PCDHA5: variants seen among roughly 807,000 people sequenced by gnomAD.
PCDHA5 encodes the protein protocadherin alpha-5.
Under a neutral mutation model 61.6 loss-of-function variants are expected in PCDHA5, and 43 were observed. The ratio of observed to expected loss-of-function variants is 0.70; its 90% CI spans 0.55 to 0.90. PCDHA5 has a LOEUF of 0.90. Ranked by LOEUF, PCDHA5 falls within the 40% of genes least tolerant of loss-of-function variation. PCDHA5 has a pLI of 0.00. For synonymous variants in PCDHA5, 627 were observed against 543.9 expected (o/e 1.15, Z -2.13); for missense variants, 1,298 against 1,222.7 (o/e 1.06, Z -0.92).
At chr5:140,940,285 T>C (rs2092587239) in intron 1 of PCDHA5, among the ~76,000 whole-genome samples, 3 of 152,222 alleles carry the variant, frequency 2.0e-5, no homozygotes, top group Admixed American at 6.5e-5. Context: ...CTCATTGTGC[T>C]GCTTCATCAG....
At chr5:140,854,518 G>A (rs1446011923) in intron 1 of PCDHA5, 1 of 149,946 alleles carries the variant, frequency 6.7e-6, no homozygotes, top group Non-Finnish European at 1.5e-5. Flanking sequence ...GATGGATTAA[G>A]TGACACCCAT....
intron 3 of PCDHA5, among the ~76,000 whole-genome samples, chr5:141,005,129 C>T (rs1554259896): frequency 6.6e-6 from 1 of 152,180 alleles, no homozygotes; most frequent in African/African-American, 2.4e-5. Context: ...CCAAAAGTGC[C>T]TCATTGGAGA....
At chr5:140,846,453 C>G (rs1465090766) in intron 1 of PCDHA5, among the ~76,000 whole-genome samples, 2 of 138,248 alleles carry the variant, frequency 1.4e-5, no homozygotes, top group Non-Finnish European at 3.1e-5. Flanking sequence ...CGGCTCACTG[C>G]AACCTCTGCC....
At chr5:140,827,000 T>C (rs2150146007) in intron 1 of PCDHA5, among the ~76,000 whole-genome samples, 9 of 152,112 alleles carry the variant, frequency 5.9e-5, no homozygotes, top group African/African-American at 2.2e-4. Flanking sequence ...ACATGGGAAA[T>C]GCTCATGTCA....
intron 3 of PCDHA5, among the ~76,000 whole-genome samples, chr5:141,002,161 G>T (rs1554258540): frequency 6.6e-6 from 1 of 152,208 alleles, no homozygotes; most frequent in Non-Finnish European, 1.5e-5. Flanking sequence ...CAGAGTGGGC[G>T]GTAGGCAGGC....
At chr5:140,936,987 T>C (rs996790487) in intron 1 of PCDHA5, among the ~76,000 whole-genome samples, 1 of 152,170 alleles carries the variant, frequency 6.6e-6, no homozygotes, top group Non-Finnish European at 1.5e-5. Context: ...CTTGTTAACA[T>C]TGACAATATT....
chr5:140,970,018 C>G (rs1383957568), intron 1 of PCDHA5, among the ~76,000 whole-genome samples: 9 of 151,942 alleles, frequency 5.9e-5, no homozygotes, highest in African/African-American at 2.2e-4. Context: ...GATGGTGAGG[C>G]AGAGAGATTA....
intron 1 of PCDHA5, among the ~76,000 whole-genome samples, chr5:140,921,678 A>C (rs2080326339): frequency 6.6e-6 from 1 of 152,222 alleles, no homozygotes; most frequent in South Asian, 2.1e-4. Context: ...AGTTATCATC[A>C]AACACTGGCC....
At chr5:140,915,557 T>G (rs909593732) in intron 1 of PCDHA5, among the ~76,000 whole-genome samples, 1 of 152,102 alleles carries the variant, frequency 6.6e-6, no homozygotes, top group African/African-American at 2.4e-5. Flanking sequence ...AGATCCAGAA[T>G]GATTATCTGG....
In PCDHA5 at chr5:140,823,161, C is replaced by T. The variant is rs1767584592; in HGVS notation, c.1386C>T (p.Phe462=). 1 of 1,613,930 alleles carries T rather than the reference C, an allele frequency of 6.2e-7. No individual in the cohort carries two copies. The highest frequency in any genetic ancestry group is 8.5e-7 in the Non-Finnish European group (1 of 1,179,892). Residue 462 remains phenylalanine, a synonymous_variant, in exon 1 of 4, where the codon TTC becomes TTT. Transcript: ENST00000529859. ...TCGCGCAGCCCCAGTATACCGTGTTCGTGAAGGAGAACAACCCGCCAGGCT... is the reference window on the plus strand; with the variant it reads ...TCGCGCAGCCCCAGTATACCGTGTTTGTGAAGGAGAACAACCCGCCAGGCT... The part of the protein sequence containing the change: ...PAFAQPQYTV[F]VKENNPPGCH...
intron 1 of PCDHA5, chr5:140,856,228 G>A: frequency 6.3e-7 from 1 of 1,598,094 alleles, no homozygotes; most frequent in Middle Eastern, 1.7e-4. Context: ...AGCTGGTGCA[G>A]CGCCTGTTCC....
At chr5:140,885,189 C>T (rs1554182051) in intron 1 of PCDHA5, among the ~76,000 whole-genome samples, 1 of 151,992 alleles carries the variant, frequency 6.6e-6, no homozygotes, top group Non-Finnish European at 1.5e-5. Context: ...CATCAGTGTT[C>T]CCCTCTCATA....
At chr5:140,986,738 G>T (rs1483741648) in intron 3 of PCDHA5, among the ~76,000 whole-genome samples, 1 of 152,168 alleles carries the variant, frequency 6.6e-6, no homozygotes, top group Admixed American at 6.5e-5. Flanking sequence ...AAGACCCCAG[G>T]GGATCTGGGA....
chr5:140,986,385 T>C (rs1554247992), intron 3 of PCDHA5, among the ~76,000 whole-genome samples: 2 of 152,134 alleles, frequency 1.3e-5, no homozygotes, highest in Non-Finnish European at 1.5e-5. Context: ...GGAGGGACAT[T>C]AAAGGGCCAG....
chr5:140,910,766 T>C (rs2075154722), intron 1 of PCDHA5, among the ~76,000 whole-genome samples: 2 of 152,198 alleles, frequency 1.3e-5, no homozygotes, highest in South Asian at 2.1e-4. Context: ...CTTTTTAAAC[T>C]CCCCAAGCTG....
chr5:140,967,433 C>A, intron 1 of PCDHA5: 1 of 1,613,500 alleles, frequency 6.2e-7, no homozygotes, highest in Non-Finnish European at 8.5e-7. Context: ...GGCAGCCTTG[C>A]ACCACCTGGT....
chr5:141,003,740 C>T (rs1490080996), intron 3 of PCDHA5, among the ~76,000 whole-genome samples: 1 of 152,146 alleles, frequency 6.6e-6, no homozygotes, highest in African/African-American at 2.4e-5. Flanking sequence ...AAAGCAAAAC[C>T]ATATTTTGTA....
At chr5:140,968,385 A>G (rs782234319) in intron 1 of PCDHA5, 11 of 1,613,904 alleles carry the variant, frequency 6.8e-6, no homozygotes, top group Non-Finnish European at 9.3e-6. Flanking sequence ...TTTGACTATG[A>G]GAAGTTTCGG....
At chr5:140,965,973 G>A (rs1234636252) in intron 1 of PCDHA5, among the ~76,000 whole-genome samples, 6 of 152,194 alleles carry the variant, frequency 3.9e-5, no homozygotes, top group African/African-American at 1.4e-4. Flanking sequence ...TGCCCTAGGA[G>A]TTGAGCACTT....
Sources: gnomAD v4.1 joint callset for allele counts (sites outside exome capture counted in the v4.1 genomes callset) on GRCh38, gnomAD v4.1.1 for gene constraint, MANE v1.5 for transcripts, NCBI Gene and HGNC (gene_info 2026-07-23, HGNC 2026-07-21) for gene names.